SERPINB6: variants seen among roughly 807,000 people sequenced by gnomAD.
SERPINB6 encodes serpin B6.
In SERPINB6, 16 loss-of-function variants were observed where a neutral mutation model predicts 26.1. The ratio of observed to expected loss-of-function variants is 0.61; its 90% confidence interval spans 0.42 to 0.93. The LOEUF is 0.93. SERPINB6 is among the 40% of genes least tolerant of loss of function. SERPINB6 has a pLI of 0.00. For missense variants in SERPINB6, 420 were observed against 478.0 expected (o/e 0.88, Z 1.13); for synonymous variants, 174 against 176.6 (o/e 0.99, Z 0.11).
intron 5 of SERPINB6, among the ~76,000 whole-genome samples, chr6:2,950,747 G>T (rs917955805): frequency 6.6e-6 from 1 of 152,188 alleles, no homozygotes; most frequent in Admixed American, 6.5e-5. Context: ...TCCTGACTCG[G>T]AGCTGCTCCT....
At chr6:2,949,720 G>A (rs916333290) in intron 5 of SERPINB6, among the ~76,000 whole-genome samples, 8 of 152,206 alleles carry the variant, frequency 5.3e-5, no homozygotes, top group East Asian at 1.9e-4. Flanking sequence ...AGAGGGGCCC[G>A]GTAGAACCTA....
chr6:2,970,115 C>T (rs951006019), intron 1 of SERPINB6: 5 of 984,128 alleles, frequency 5.1e-6, no homozygotes, highest in Non-Finnish European at 6.0e-6. Context: ...ATCCCAAGTG[C>T]AGTAAGCCTG....
chr6:2,958,631 C>A (rs1445316123), intron 2 of SERPINB6, among the ~76,000 whole-genome samples: 1 of 152,136 alleles, frequency 6.6e-6, no homozygotes, highest in African/African-American at 2.4e-5. Flanking sequence ...TGACGCAGCC[C>A]ACAAGGGACC....
At chr6:2,970,344 C>G (rs1163383852) in intron 1 of SERPINB6, 8 of 992,298 alleles carry the variant, frequency 8.1e-6, no homozygotes, top group Non-Finnish European at 9.6e-6. Context: ...GACCAAAGTA[C>G]TTTTCTCTTT....
In SERPINB6 at chr6:2,954,595, CT is replaced by C. The variant is rs1340285010; in HGVS notation, c.426del (p.Glu143LysfsTer16). 1 of 1,609,348 alleles carries C rather than the reference CT, an allele frequency of 6.2e-7. No homozygotes were observed. ...KHINTWVAEK[T>X]EGKIAELLSP... ...TAGAATAACAATACATTTTCACCTT[CT>C]GTCTTTTCAGCTACCCAGGTGTTTA... On this transcript the variant is annotated frameshift_variant, in exon 4 of 7. Transcript: ENST00000380539. LOFTEE classifies it high-confidence loss of function.
intron 4 of SERPINB6, 114 bp from the exon 5 acceptor site, chr6:2,953,300 C>T: frequency 1.5e-6 from 2 of 1,377,340 alleles, no homozygotes; most frequent in Non-Finnish European, 1.0e-6. Context: ...TAGAGAGTTC[C>T]ACTGTCCCCC....
At chr6:2,971,173 G>C in intron 1 of SERPINB6, 2 of 996,164 alleles carry the variant, frequency 2.0e-6, no homozygotes, top group Non-Finnish European at 2.4e-6. Flanking sequence ...CTCTTCCGTG[G>C]GCGCTGGGCC....
chr6:2,959,537 G>T (rs1383356462), intron 1 of SERPINB6, 195 bp from the exon 2 acceptor site: 18 of 635,244 alleles, frequency 2.8e-5, no homozygotes, highest in South Asian at 1.8e-5. Context: ...GAAAATGAAA[G>T]AGTTCTATGT....
In SERPINB6 at chr6:2,952,982, G is replaced by A; in HGVS notation, c.573+62C>T. ...GGCCCCACGGCTGCAGACGCGGGAG[G>A]CCCCGAGCCGGAGACGCTCGTGTGA... On this transcript the variant is annotated intron_variant, in intron 5 of 6. Coordinates refer to ENST00000380539, the MANE Select transcript of SERPINB6 (RefSeq NM_004568.6). 4 of 1,608,348 alleles carry A rather than the reference G, an allele frequency of 2.5e-6. No homozygotes were observed. In the South Asian group the frequency reaches 4.4e-5, roughly 18 times the overall value.
chr6:2,951,488 T>G (rs1030989369), intron 5 of SERPINB6, among the ~76,000 whole-genome samples: 2 of 152,092 alleles, frequency 1.3e-5, no homozygotes, highest in African/African-American at 4.8e-5. Context: ...GGCTGAAGTT[T>G]GCTGACCCCT....
At chr6:2,951,726 G>A (rs540576990) in intron 5 of SERPINB6, among the ~76,000 whole-genome samples, 1 of 152,302 alleles carries the variant, frequency 6.6e-6, no homozygotes, top group African/African-American at 2.4e-5. Flanking sequence ...CAATACTGCA[G>A]CCCCTTCCTT....
chr6:2,965,914 C>A (rs1450697177), intron 1 of SERPINB6, among the ~76,000 whole-genome samples: 2 of 152,228 alleles, frequency 1.3e-5, no homozygotes, highest in Admixed American at 6.5e-5. Flanking sequence ...GGCACACACT[C>A]TTTGATGCCA....
intron 1 of SERPINB6, chr6:2,970,293 T>C: frequency 1.0e-6 from 1 of 986,012 alleles, no homozygotes; most frequent in Non-Finnish European, 1.2e-6. Flanking sequence ...TGCATTGGAA[T>C]TGGCCTTAAC....
chr6:2,948,746 C>A lies in SERPINB6; in HGVS notation c.730-47G>T. The A allele has an allele frequency of 6.3e-7, 1 of 1,592,326 alleles. No homozygotes were observed. On this transcript the variant is annotated intron_variant, in intron 6 of 6. Coordinates refer to ENST00000380539, the MANE Select transcript of SERPINB6 (RefSeq NM_004568.6). The surrounding 1 kb of genome is among the most constrained non-coding windows in gnomAD (Gnocchi z 5.0). Reference sequence around the variant, plus strand: ...CTTTAAGACCCAGGGTGCTGCTGCCCAGCAGGGCCCTGTGCTATGCTGTGG... The same window carrying A: ...CTTTAAGACCCAGGGTGCTGCTGCCAAGCAGGGCCCTGTGCTATGCTGTGG...
At position 2,948,614 on chromosome 6, in the gene SERPINB6, G is replaced by A. The variant is rs1294142999; in HGVS notation, c.815C>T (p.Pro272Leu). 6 of 1,614,106 alleles carry A rather than the reference G, an allele frequency of 3.7e-6. No individual in the cohort carries two copies. Among genetic ancestry groups the A allele is most frequent in the African/African-American group, 1.3e-5 (1 of 75,018 alleles). The change falls in exon 7 of 7, where the codon CCG becomes CTG. Residue 272 changes from proline (P) to leucine (L), a missense_variant. Coordinates refer to ENST00000380539, the MANE Select transcript of SERPINB6 (RefSeq NM_004568.6). The surrounding 1 kb of genome is among the most constrained non-coding windows in gnomAD (Gnocchi z 5.0). ...MDEEEVEVSL[P>L]RFKLEESYDM... The stretch of plus-strand genomic sequence containing the variant: ...GTAGCTTTCCTCTAGTTTAAACCGC[G>A]GGAGGGACACTTCCACCTCCTCTTC...
At chr6:2,965,362 A>C (rs1339363777) in intron 1 of SERPINB6, among the ~76,000 whole-genome samples, 4 of 152,238 alleles carry the variant, frequency 2.6e-5, no homozygotes, top group African/African-American at 9.6e-5. Context: ...ATGTTCATAG[A>C]CGGGGACAAG....
At chr6:2,956,821 C>CAA (rs34187484) in intron 2 of SERPINB6, 55 of 143,222 alleles carry the variant, frequency 3.8e-4, no homozygotes, top group South Asian at 1.4e-3. Context: ...AACTCTGTCT[C>CAA]AAAAAAAAAA....
chr6:2,961,144 G>A (rs1581262567), intron 1 of SERPINB6: 1 of 152,194 alleles, frequency 6.6e-6, no homozygotes, highest in Admixed American at 6.5e-5. Context: ...ATGGTCATTT[G>A]TTACAGCAGC....
At chr6:2,962,820 T>A (rs1771262007) in intron 1 of SERPINB6, among the ~76,000 whole-genome samples, 1 of 152,172 alleles carries the variant, frequency 6.6e-6, no homozygotes, top group South Asian at 2.1e-4. Context: ...CACCCTTACG[T>A]CAAACAGCAA....
Sources: gnomAD v4.1 joint callset for allele counts (sites outside exome capture counted in the v4.1 genomes callset) on GRCh38, gnomAD v4.1.1 for gene constraint, Gnocchi (gnomAD v3.1) non-coding constraint, MANE v1.5 for transcripts, NCBI Gene and HGNC (gene_info 2026-07-23, HGNC 2026-07-21) for gene names.